The following METAP1 variants were observed in gnomAD, a reference collection of about 807,000 sequenced individuals.
The protein encoded by METAP1 is methionyl aminopeptidase 1.
In METAP1, 28 loss-of-function variants were observed where a neutral mutation model predicts 53.8. The ratio of observed to expected loss-of-function variants is 0.52; its 90% confidence interval spans 0.39 to 0.71. The LOEUF is 0.71. METAP1 is among the 30% of genes least tolerant of loss of function. METAP1 has a pLI of 0.00. For missense variants in METAP1, 389 were observed against 479.8 expected, an observed-to-expected ratio of 0.81 and a Z score of 1.77; for synonymous variants, 181 against 165.7, an observed-to-expected ratio of 1.09 and a Z score of -0.71.
chr4:99,030,266 A>T (rs899447277), intron 2 of METAP1, among the ~76,000 whole-genome samples: 1 of 152,182 alleles, frequency 6.6e-6, no homozygotes, highest in Non-Finnish European at 1.5e-5. Context: ...TGTTTCTTCA[A>T]TACTGGATAT....
intron 1 of METAP1, among the ~76,000 whole-genome samples, chr4:99,015,819 A>G (rs1723729070): frequency 6.6e-6 from 1 of 152,234 alleles, no homozygotes; most frequent in Non-Finnish European, 1.5e-5. Flanking sequence ...AGTTATGTTA[A>G]TAATAAAATG....
chr4:99,018,491 C>T (rs182839597), intron 1 of METAP1, among the ~76,000 whole-genome samples: 7 of 152,258 alleles, frequency 4.6e-5, no homozygotes, highest in Middle Eastern at 3.4e-3. Context: ...TACTATCCAC[C>T]GGTACTGCTG....
chr4:99,039,552 G>T, intron 5 of METAP1, 87 bp downstream of exon 5: 2 of 766,204 alleles, frequency 2.6e-6, no homozygotes, highest in Non-Finnish European at 4.3e-6. Flanking sequence ...TATAAAGATA[G>T]CAAATGTTAT....
At chr4:99,057,296 C>T (rs940470469) in intron 9 of METAP1, among the ~76,000 whole-genome samples, 1 of 152,212 alleles carries the variant, frequency 6.6e-6, no homozygotes, top group African/African-American at 2.4e-5. Context: ...TGTGCAAACA[C>T]ATGCTTACCC....
intron 8 of METAP1, among the ~76,000 whole-genome samples, chr4:99,048,202 A>G (rs1224717510): frequency 2.6e-5 from 4 of 152,186 alleles, no homozygotes; most frequent in East Asian, 1.9e-4. Context: ...TAGTGCTGCT[A>G]TGAGTCTAAC....
At chr4:99,047,552 C>T (rs772408374) in intron 8 of METAP1, among the ~76,000 whole-genome samples, 8 of 152,186 alleles carry the variant, frequency 5.3e-5, no homozygotes, top group African/African-American at 1.2e-4. Context: ...CCTTCTCCCC[C>T]CAAAATCAAG....
chr4:98,997,873 C>T (rs747052538), intron 1 of METAP1, among the ~76,000 whole-genome samples: 5 of 152,196 alleles, frequency 3.3e-5, no homozygotes, highest in Non-Finnish European at 7.3e-5. Context: ...CTCCTATGGT[C>T]AGCTTTTAAA....
intron 1 of METAP1, among the ~76,000 whole-genome samples, chr4:99,011,378 A>G (rs895530430): frequency 6.6e-6 from 1 of 152,222 alleles, no homozygotes; most frequent in African/African-American, 2.4e-5. Flanking sequence ...GGAGTATCAG[A>G]TCTTGTCAGA....
chr4:99,057,158 C>T (rs186982162), intron 9 of METAP1, among the ~76,000 whole-genome samples: 9 of 152,320 alleles, frequency 5.9e-5, no homozygotes, highest in African/African-American at 1.2e-4. Flanking sequence ...CATGAGCCAC[C>T]GCACCCAGCT....
intron 1 of METAP1, among the ~76,000 whole-genome samples, chr4:99,012,522 C>T (rs1306761638): frequency 6.6e-5 from 10 of 151,922 alleles, no homozygotes; most frequent in South Asian, 2.1e-4. Context: ...TGATCTGCCC[C>T]GCTTGGCCTC....
chr4:99,010,314 C>T (rs1400977509), intron 1 of METAP1, among the ~76,000 whole-genome samples: 2 of 152,106 alleles, frequency 1.3e-5, no homozygotes, highest in Admixed American at 6.5e-5. Context: ...ATTAGCCAGG[C>T]GTGTTGGCAT....
At chr4:99,039,086 G>T in intron 4 of METAP1, 1 of 220,230 alleles carries the variant, frequency 4.5e-6, no homozygotes, top group Non-Finnish European at 8.8e-6. Context: ...TACTGAGTCT[G>T]ATTATCACAC....
chr4:99,042,035 C>G (rs1014067093), intron 6 of METAP1, among the ~76,000 whole-genome samples: 1 of 151,818 alleles, frequency 6.6e-6, no homozygotes, highest in Non-Finnish European at 1.5e-5. Flanking sequence ...TACCAACAAC[C>G]TCTTGAGGGT....
At chr4:98,998,244 T>C (rs1354627552) in intron 1 of METAP1, among the ~76,000 whole-genome samples, 1 of 152,216 alleles carries the variant, frequency 6.6e-6, no homozygotes, top group Non-Finnish European at 1.5e-5. Flanking sequence ...TGGGCTTGGC[T>C]GGGCATGGTG....
intron 1 of METAP1, among the ~76,000 whole-genome samples, chr4:99,008,292 G>A (rs1723278013): frequency 6.6e-6 from 1 of 152,168 alleles, no homozygotes; most frequent in Non-Finnish European, 1.5e-5. Context: ...AAGTAGATTA[G>A]CAGCTTTACT....
chr4:99,001,971 G>T (rs1345938847), intron 1 of METAP1, among the ~76,000 whole-genome samples: 1 of 152,216 alleles, frequency 6.6e-6, no homozygotes, highest in Non-Finnish European at 1.5e-5. Flanking sequence ...CATTTGGTTG[G>T]TAGGCAATCA....
intron 9 of METAP1, among the ~76,000 whole-genome samples, chr4:99,051,777 T>C (rs1395186699): frequency 6.6e-6 from 1 of 150,460 alleles, no homozygotes; most frequent in Non-Finnish European, 1.5e-5. Context: ...TATTGAGGGT[T>C]TTTTTTTTTG....
At chr4:99,052,087 G>C (rs1271493516) in intron 9 of METAP1, among the ~76,000 whole-genome samples, 1 of 152,136 alleles carries the variant, frequency 6.6e-6, no homozygotes, top group Non-Finnish European at 1.5e-5. Context: ...CAGATTTTTT[G>C]GTTTCCCAGT....
intron 1 of METAP1, among the ~76,000 whole-genome samples, chr4:99,006,929 A>G (rs1723203898): frequency 6.6e-6 from 1 of 151,354 alleles, no homozygotes; most frequent in Admixed American, 6.6e-5. Context: ...TAAGCCAGAA[A>G]TCAAGCCCAA....
Sources: gnomAD v4.1 joint callset for allele counts (sites outside exome capture counted in the v4.1 genomes callset) on GRCh38, gnomAD v4.1.1 for gene constraint, MANE v1.5 for transcripts, NCBI Gene and HGNC (gene_info 2026-07-23, HGNC 2026-07-21) for gene names.